The following LANCL2 variants were observed in gnomAD, a reference collection of about 807,000 sequenced individuals.
LANCL2 encodes the protein lanC-like protein 2.
In LANCL2, 33 loss-of-function variants were observed where a neutral mutation model predicts 56.9. That is an observed-to-expected ratio of 0.58 (90% CI 0.44 to 0.78). LANCL2 has a LOEUF of 0.78. Among genes scored for constraint, LANCL2 ranks in the 30% least tolerant of loss-of-function variants. LANCL2 has a pLI of 0.00. For missense variants in LANCL2, 562 were observed against 580.2 expected, an observed-to-expected ratio of 0.97 and a Z score of 0.32; for synonymous variants, 233 against 228.2, an observed-to-expected ratio of 1.02 and a Z score of -0.19.
chr7:55,373,213 GCTTT>G (rs1789964601), intron 1 of LANCL2, among the ~76,000 whole-genome samples: 1 of 151,766 alleles, frequency 6.6e-6, no homozygotes, highest in African/African-American at 2.4e-5. Flanking sequence ...TAACTTTACT[GCTTT>G]CTGAGAACAG....
intron 1 of LANCL2, among the ~76,000 whole-genome samples, chr7:55,380,888 G>C (rs1358079700): frequency 1.6e-5 from 1 of 62,848 alleles, no homozygotes; most frequent in Non-Finnish European, 3.3e-5. Flanking sequence ...TTTTTTTTTT[G>C]AGATGGTGTT....
intron 6 of LANCL2, among the ~76,000 whole-genome samples, chr7:55,422,943 G>A (rs1562870132): frequency 1.3e-5 from 2 of 152,168 alleles, no homozygotes; most frequent in African/African-American, 2.4e-5. Flanking sequence ...GGTCGGGTGC[G>A]GTGGAACAGG....
At chr7:55,370,626 C>T (rs566696096) in intron 1 of LANCL2, among the ~76,000 whole-genome samples, 2 of 152,284 alleles carry the variant, frequency 1.3e-5, no homozygotes, top group South Asian at 4.1e-4. Flanking sequence ...AGAAAGAAGA[C>T]GTGTTAATTC....
At chr7:55,419,946 A>G (rs1790590961) in intron 6 of LANCL2, among the ~76,000 whole-genome samples, 1 of 152,206 alleles carries the variant, frequency 6.6e-6, no homozygotes, top group Non-Finnish European at 1.5e-5. Context: ...TGAGGCCACA[A>G]GTTCAAGACC....
chr7:55,410,550 A>G (rs900464537), intron 5 of LANCL2, among the ~76,000 whole-genome samples: 3 of 152,218 alleles, frequency 2.0e-5, no homozygotes, highest in African/African-American at 7.2e-5. Context: ...AAGCAATGCA[A>G]TATTTTATTT....
Position 55,431,265 on chromosome 7 carries a change from G to GTT in LANCL2, c.1298_1299insTT (p.Pro434TyrfsTer38). 6.2e-7 allele frequency: 1 copy of GTT among 1,613,898 alleles called. No individual in the cohort carries two copies. Among genetic ancestry groups the GTT allele is most frequent in the South Asian group, 1.1e-5 (1 of 91,014 alleles). ...ATTCACTTTCTCTCTGATGTCCTGG[G>GTT]ACCAGAGACATCACGGTTTCCAGCA... On this transcript the variant is annotated frameshift_variant, in exon 9 of 9. Coordinates refer to ENST00000254770, the MANE Select transcript of LANCL2 (RefSeq NM_018697.4). LOFTEE classifies it high-confidence loss of function.
chr7:55,377,292 C>G (rs1361141919), intron 1 of LANCL2, among the ~76,000 whole-genome samples: 1 of 151,776 alleles, frequency 6.6e-6, no homozygotes, highest in East Asian at 1.9e-4. Context: ...TAAATTATAC[C>G]CCTCAATTAT....
chr7:55,401,309 A>ATGT lies in LANCL2; in HGVS notation c.816_818dup (p.Leu273dup). The ATGT allele has an allele frequency of 6.2e-7, 1 of 1,613,776 alleles. No individual in the cohort carries two copies. The highest frequency in any genetic ancestry group is 8.5e-7 in the Non-Finnish European group (1 of 1,179,738). ...CCATGGCATGGCTGGAATTTACTAT[A>ATGT]TGTTAATGCAGGTAGGTAAGAATAC... is the stretch of plus-strand genomic sequence containing the variant. On this transcript the variant is annotated inframe_insertion, in exon 5 of 9. Transcript: ENST00000254770.
At chr7:55,366,275 C>T (rs919300423) in intron 1 of LANCL2, 46 bp downstream of exon 1, 4 of 1,405,064 alleles carry the variant, frequency 2.8e-6, no homozygotes, top group Non-Finnish European at 2.8e-6. Flanking sequence ...GGGAGCGCGG[C>T]GGTGGTAGCG....
In LANCL2 at chr7:55,431,493, C is replaced by T; in HGVS notation, c.*173C>T. ...CATCCATCAACATTTTCTAACAGCA[C>T]CCTCATCAATATAAAATATGACTTC... On this transcript the variant is annotated 3_prime_UTR_variant, in exon 9 of 9. Coordinates refer to ENST00000254770, the MANE Select transcript of LANCL2 (RefSeq NM_018697.4). The T allele has an allele frequency of 1.8e-6, 1 of 552,566 alleles. No individual in the cohort carries two copies. The highest frequency in any genetic ancestry group is 3.2e-6 in the Non-Finnish European group (1 of 313,728). 34.2% of individuals were successfully genotyped at this position (552,566 alleles called of 1,614,324 possible). A position where few individuals can be genotyped will look rare whatever the true frequency, so the allele number is the denominator to read the frequency against.
intron 5 of LANCL2, among the ~76,000 whole-genome samples, chr7:55,402,149 G>A (rs1223069077): frequency 1.3e-5 from 2 of 150,128 alleles, no homozygotes; most frequent in African/African-American, 4.9e-5. Flanking sequence ...CTCCCGGACG[G>A]GGCGGCTGGC....
intron 2 of LANCL2, among the ~76,000 whole-genome samples, chr7:55,396,464 A>T (rs1397564958): frequency 2.0e-5 from 3 of 152,204 alleles, no homozygotes; most frequent in African/African-American, 7.2e-5. Context: ...AGCTTTCAGC[A>T]TTGGGGAAGG....
At chr7:55,421,367 G>T in intron 6 of LANCL2, among the ~76,000 whole-genome samples, 2 of 118,836 alleles carry the variant, frequency 1.7e-5, no homozygotes, top group African/African-American at 6.3e-5. Flanking sequence ...GAGATGGAGT[G>T]TCGCTTTGTC....
chr7:55,405,229 G>T (rs140386790), intron 5 of LANCL2, among the ~76,000 whole-genome samples: 64 of 152,284 alleles, frequency 4.2e-4, no homozygotes, highest in African/African-American at 1.4e-3. Context: ...TGTTGCCCTG[G>T]TTGAAGCCGG....
chr7:55,425,985 A>G lies in LANCL2; in HGVS notation c.1185+555A>G, dbSNP rs929431132. On this transcript the variant is annotated intron_variant, in intron 7 of 8. Coordinates refer to ENST00000254770, the MANE Select transcript of LANCL2 (RefSeq NM_018697.4). ...CCCTCTAGCCCGCCATAATACAGCC[A>G]TGTTGCCCTCTCTAAGAACGGAGTG... 1.3e-5 allele frequency among the ~76,000 whole-genome samples: 2 copies of G among 152,074 alleles called. 1 individual carries two copies. The highest frequency in any genetic ancestry group is 2.9e-5 in the Non-Finnish European group (2 of 68,018).
intron 1 of LANCL2, among the ~76,000 whole-genome samples, 169 bp downstream of exon 1, chr7:55,366,398 C>T (rs1031949408): frequency 2.6e-5 from 4 of 152,230 alleles, no homozygotes; most frequent in African/African-American, 4.8e-5. Context: ...GCTTAGGGTC[C>T]GTGGGCTTCA....
chr7:55,409,254 AT>A (rs932975932), intron 5 of LANCL2, among the ~76,000 whole-genome samples: 89 of 147,288 alleles, frequency 6.0e-4, no homozygotes, highest in Non-Finnish European at 1.2e-3. Context: ...TGCCCGGCTA[AT>A]TTTTTTTTTG....
Position 55,402,502 on chromosome 7 carries a change from G to A in LANCL2, c.825+1182G>A, listed in dbSNP as rs538228981. ...TCCTCTCCTCCCAGTAGGGGCGGCC[G>A]GGCAGAGGCGCCCCCCACCTCCCGG... On this transcript the variant is annotated intron_variant, in intron 5 of 8. Coordinates refer to ENST00000254770, the MANE Select transcript of LANCL2 (RefSeq NM_018697.4). Among the ~76,000 whole-genome samples, 483 of 138,420 alleles carry A rather than the reference G, an allele frequency of 3.5e-3. 7 individuals are homozygous for A. The highest frequency in any genetic ancestry group is 0.012 in the African/African-American group (450 of 36,880). 90.8% of individuals were successfully genotyped at this position (138,420 alleles called of 152,430 possible).
In LANCL2 at chr7:55,433,563, A is replaced by T. The variant is rs567009374; in HGVS notation, c.*2243A>T. On this transcript the variant is annotated 3_prime_UTR_variant, in exon 9 of 9. Transcript: ENST00000254770. ...TTTGAATCAGATTTCAGTACATCTC[A>T]TTCATTTCTTAGATTTGTATTCACA... 6 of 152,368 alleles carry T rather than the reference A, an allele frequency of 3.9e-5. No homozygotes were observed. In the South Asian group the frequency reaches 1.2e-3, roughly 32 times the overall value. The allele number at this position is 152,368 out of a possible 1,614,324, so 9.4% of individuals were successfully genotyped here.
Sources: allele counts gnomAD v4.1 joint callset (sites outside exome capture counted in the v4.1 genomes callset), GRCh38; gene constraint gnomAD v4.1.1; transcripts MANE v1.5; gene names NCBI Gene and HGNC (gene_info 2026-07-23, HGNC 2026-07-21).